EPB41L3: variants seen among roughly 807,000 people sequenced by gnomAD.
EPB41L3 encodes the protein band 4.1-like protein 3.
Under a neutral mutation model 127.1 loss-of-function variants are expected in EPB41L3, and 57 were observed. That is an observed-to-expected ratio of 0.45 (90% CI 0.36 to 0.56). The LOEUF is 0.56. EPB41L3 is among the 20% of genes least tolerant of loss of function. The pLI is 0.00. For synonymous variants in EPB41L3, 572 were observed against 549.5 expected (o/e 1.04, Z -0.57); for missense variants, 1,273 against 1,372.2 (o/e 0.93, Z 1.14).
At chr18:5,430,636 C>T (rs2078876395) in intron 8 of EPB41L3, among the ~76,000 whole-genome samples, 2 of 150,768 alleles carry the variant, frequency 1.3e-5, no homozygotes, top group Non-Finnish European at 2.9e-5. Flanking sequence ...CATCTTGGCT[C>T]ACTGCACCCT....
At chr18:5,510,262 T>C (rs1297046545) in intron 1 of EPB41L3, among the ~76,000 whole-genome samples, 1 of 152,188 alleles carries the variant, frequency 6.6e-6, no homozygotes, top group Non-Finnish European at 1.5e-5. Context: ...GAAGTCTGCA[T>C]GATGAGTGAG....
intron 3 of EPB41L3, among the ~76,000 whole-genome samples, chr18:5,477,575 T>A (rs997085747): frequency 6.6e-6 from 1 of 152,208 alleles, no homozygotes; most frequent in Non-Finnish European, 1.5e-5. Flanking sequence ...TCCTCCCTGA[T>A]ACTCAGAGAA....
chr18:5,445,106 G>A, intron 4 of EPB41L3, 34 bp downstream of exon 4: 1 of 1,538,296 alleles, frequency 6.5e-7, no homozygotes, highest in South Asian at 1.1e-5. Context: ...AGCAGTTCAA[G>A]CCATCTTATT....
intron 3 of EPB41L3, among the ~76,000 whole-genome samples, chr18:5,553,434 A>G (rs1384985934): frequency 2.0e-5 from 3 of 152,232 alleles, no homozygotes; most frequent in Non-Finnish European, 4.4e-5. Context: ...TGTAGAGTCC[A>G]TGCTCTTAAC....
At chr18:5,508,766 C>CAAAAAA (rs397969769) in intron 1 of EPB41L3, among the ~76,000 whole-genome samples, 19 of 52,534 alleles carry the variant, frequency 3.6e-4, no homozygotes, top group Non-Finnish European at 4.7e-4. Context: ...GACTCCATCT[C>CAAAAAA]AAAAAAAAAA....
chr18:5,623,552 T>A (rs1027964207), intron 1 of EPB41L3, among the ~76,000 whole-genome samples: 1 of 152,252 alleles, frequency 6.6e-6, no homozygotes. Context: ...TTTTCATTCC[T>A]GAAATATGGA....
intron 3 of EPB41L3, among the ~76,000 whole-genome samples, chr18:5,575,989 G>A (rs2094333579): frequency 1.3e-5 from 2 of 152,076 alleles, no homozygotes; most frequent in Non-Finnish European, 2.9e-5. Context: ...CTACAAATAT[G>A]AATAACATCC....
In EPB41L3 at chr18:5,489,082, C is replaced by T. The variant is rs955625235; in HGVS notation, c.102G>A (p.Pro34=). Residue 34 remains proline, a synonymous_variant, in exon 2 of 23, where the codon CCG becomes CCA. Transcript: ENST00000341928. ...GCTGCTGCTCCTCCTTGGGCGGCTC[C>T]GGCACGGGCGCCCCCGCGCGCCCCT... ...GAQGRAGAPV[P]EPPKEEQQQA... 5 of 1,593,286 alleles carry T rather than the reference C, an allele frequency of 3.1e-6. No homozygotes were observed. Among genetic ancestry groups the T allele is most frequent in the East Asian group, 4.5e-5 (2 of 43,974 alleles).
chr18:5,586,946 C>T (rs1377332948), intron 3 of EPB41L3, among the ~76,000 whole-genome samples: 1 of 152,064 alleles, frequency 6.6e-6, no homozygotes, highest in Non-Finnish European at 1.5e-5. Context: ...AGTTCTTTCA[C>T]CCTGTACCTG....
intron 1 of EPB41L3, among the ~76,000 whole-genome samples, chr18:5,517,639 C>T (rs538658214): frequency 6.6e-6 from 1 of 152,090 alleles, no homozygotes; most frequent in East Asian, 1.9e-4. Context: ...GGTTTCACCA[C>T]GTTGGCCAGG....
chr18:5,421,713 G>A (rs1473116285), intron 11 of EPB41L3, among the ~76,000 whole-genome samples: 1 of 152,204 alleles, frequency 6.6e-6, no homozygotes, highest in Non-Finnish European at 1.5e-5. Context: ...TGAAGTAACT[G>A]AGGAATGAAA....
At chr18:5,525,682 GTTA>G (rs1360261829) in intron 1 of EPB41L3, among the ~76,000 whole-genome samples, 1 of 152,080 alleles carries the variant, frequency 6.6e-6, no homozygotes, top group Non-Finnish European at 1.5e-5. Context: ...CATATGCATA[GTTA>G]TTATGTAATA....
chr18:5,404,013 C>A (rs1186787872), intron 16 of EPB41L3, among the ~76,000 whole-genome samples: 1 of 152,102 alleles, frequency 6.6e-6, no homozygotes, highest in Non-Finnish European at 1.5e-5. Context: ...TAATTTAGAG[C>A]AAAAGAACTT....
intron 3 of EPB41L3, among the ~76,000 whole-genome samples, chr18:5,551,485 G>A (rs1273195145): frequency 6.6e-6 from 1 of 152,156 alleles, no homozygotes; most frequent in Non-Finnish European, 1.5e-5. Context: ...AGCACTTTGG[G>A]AGGCCGAGGC....
intron 12 of EPB41L3, 148 bp from the exon 13 acceptor site, chr18:5,416,526 TA>T: frequency 1.3e-6 from 1 of 783,764 alleles, no homozygotes; most frequent in East Asian, 2.7e-5. Flanking sequence ...TCATGAATGT[TA>T]AAGTATTCAA....
At chr18:5,394,598 T>A in intron 22 of EPB41L3, 79 bp downstream of exon 22, 1 of 997,194 alleles carries the variant, frequency 1.0e-6, no homozygotes, top group Non-Finnish European at 1.6e-6. Flanking sequence ...AAAGGAGGGA[T>A]CAGGTGAAGG....
intron 3 of EPB41L3, among the ~76,000 whole-genome samples, chr18:5,465,562 A>G (rs1225107843): frequency 6.6e-6 from 1 of 152,174 alleles, no homozygotes; most frequent in Non-Finnish European, 1.5e-5. Context: ...AAGGGAATAT[A>G]TGTTTTATGG....
chr18:5,450,597 T>C (rs2082161036), intron 3 of EPB41L3, among the ~76,000 whole-genome samples: 1 of 151,900 alleles, frequency 6.6e-6, no homozygotes, highest in African/African-American at 2.4e-5. Context: ...AAAAATACAT[T>C]CTTAGTTTAA....
intron 3 of EPB41L3, among the ~76,000 whole-genome samples, chr18:5,590,918 G>T (rs1346138576): frequency 6.6e-6 from 1 of 152,142 alleles, no homozygotes; most frequent in East Asian, 1.9e-4. Flanking sequence ...TGGGGGATGG[G>T]TATGACTACG....
Sources: allele counts gnomAD v4.1 joint callset (sites outside exome capture counted in the v4.1 genomes callset), GRCh38; gene constraint gnomAD v4.1.1; transcripts MANE v1.5; gene names NCBI Gene and HGNC (gene_info 2026-07-23, HGNC 2026-07-21).